The following ADAM10 variants were observed in gnomAD, a reference collection of about 807,000 sequenced individuals.
The protein encoded by ADAM10 is disintegrin and metalloproteinase domain-containing protein 10.
A neutral mutation model predicts 90.1 loss-of-function variants in ADAM10; 17 were observed. That is an observed-to-expected ratio of 0.19 (90% confidence interval 0.13 to 0.28). ADAM10 has a LOEUF of 0.28. ADAM10 is among the 10% of genes least tolerant of loss of function. ADAM10 has a pLI of 1.00. For missense variants in ADAM10, 610 were observed against 914.3 expected (o/e 0.67, Z 4.29); for synonymous variants, 310 against 298.6 (o/e 1.04, Z -0.40).
chr15:58,646,339 G>A, intron 5 of ADAM10, 135 bp from the exon 6 acceptor site: 1 of 908,852 alleles, frequency 1.1e-6, no homozygotes, highest in South Asian at 1.5e-5. Flanking sequence ...GCCATTAAAA[G>A]TTCATAAAAT....
intron 12 of ADAM10, 63 bp downstream of exon 12, chr15:58,611,745 A>G: frequency 1.3e-6 from 2 of 1,500,022 alleles, no homozygotes; most frequent in Non-Finnish European, 1.8e-6. Context: ...TTAAGCATCA[A>G]TAATTCTTCT....
chr15:58,748,980 T>C (rs190903870), intron 1 of ADAM10: 2 of 397,820 alleles, frequency 5.0e-6, no homozygotes, highest in African/African-American at 2.1e-5. Flanking sequence ...TTCCCACGAG[T>C]CTGCGCGGCG....
In ADAM10 at chr15:58,597,365, T is replaced by G. The variant is rs201547564; in HGVS notation, c.*182A>C. 2.6e-6 allele frequency: 4 copies of G among 1,542,042 alleles called. No individual in the cohort carries two copies. The South Asian group carries it at 4.8e-5, about 19-fold the overall frequency. On this transcript the variant is annotated 3_prime_UTR_variant, in exon 16 of 16. Transcript: ENST00000260408. Reference sequence around the variant, plus strand: ...CCTTTTCCACCTCCCACCCCCAAATTGGAATTTTCAGGCTTTAAAATTTAA... The same window carrying G: ...CCTTTTCCACCTCCCACCCCCAAATGGGAATTTTCAGGCTTTAAAATTTAA...
In ADAM10 at chr15:58,590,776, T is replaced by C. The variant is rs1204175387; in HGVS notation, c.*6771A>G. 1 of 152,204 alleles carries C rather than the reference T, an allele frequency of 6.6e-6. No individual in the cohort carries two copies. Among genetic ancestry groups the C allele is most frequent in the African/African-American group, 2.4e-5 (1 of 41,452 alleles). 9.4% of individuals were successfully genotyped at this position (152,204 alleles called of 1,614,324 possible). A position where few individuals can be genotyped will look rare whatever the true frequency, so the allele number is the denominator to read the frequency against. On this transcript the variant is annotated 3_prime_UTR_variant, in exon 16 of 16. Coordinates refer to ENST00000260408, the MANE Select transcript of ADAM10 (RefSeq NM_001110.4). ...TAAAATATTCATTTAAAATAAAGAA[T>C]AAAATTGCTTAATGTGTTCAGTATA...
intron 1 of ADAM10, among the ~76,000 whole-genome samples, chr15:58,720,435 C>A (rs1370682324): frequency 3.3e-5 from 5 of 150,386 alleles, no homozygotes; most frequent in Non-Finnish European, 5.9e-5. Context: ...GAGTCTCGCT[C>A]TGTCACCCAG....
At chr15:58,614,654 G>A (rs1391603070) in intron 11 of ADAM10, among the ~76,000 whole-genome samples, 1 of 152,070 alleles carries the variant, frequency 6.6e-6, no homozygotes, top group African/African-American at 2.4e-5. Context: ...CTAACCTTCA[G>A]AAATGAGGGA....
At position 58,589,809 on chromosome 15, in the gene ADAM10, A is replaced by G. The variant is rs1438785870; in HGVS notation, c.*7738T>C. ...TAGGTGTCTTAATCCTAAATTTATG[A>G]TAGTCATGATACAGACGCCCAGGTC... On this transcript the variant is annotated 3_prime_UTR_variant, in exon 16 of 16. Transcript: ENST00000260408. The G allele has an allele frequency of 6.6e-6, 1 of 152,188 alleles. No homozygotes were observed. Among genetic ancestry groups the G allele is most frequent in the Non-Finnish European group, 1.5e-5 (1 of 68,054 alleles). The allele number at this position is 152,188 out of a possible 1,614,324, so 9.4% of individuals were successfully genotyped here.
At chr15:58,638,255 T>C (rs996475852) in intron 8 of ADAM10, among the ~76,000 whole-genome samples, 11 of 151,670 alleles carry the variant, frequency 7.3e-5, no homozygotes, top group African/African-American at 1.7e-4. Flanking sequence ...GGGGGGAAAA[T>C]GGGGATACAA....
intron 1 of ADAM10, among the ~76,000 whole-genome samples, chr15:58,746,145 T>C (rs1899785172): frequency 6.6e-6 from 1 of 152,186 alleles, no homozygotes; most frequent in Admixed American, 6.5e-5. Context: ...CACCACTAAG[T>C]GGTGGATGAT....
chr15:58,663,857 G>A (rs1410961784), intron 5 of ADAM10, among the ~76,000 whole-genome samples: 3 of 151,610 alleles, frequency 2.0e-5, no homozygotes, highest in Non-Finnish European at 2.9e-5. Flanking sequence ...TAGTCTACTC[G>A]TGGTATAAAT....
chr15:58,717,861 A>ATTAATATATGTG, intron 1 of ADAM10, 134 bp from the exon 2 acceptor site: 1 of 1,303,382 alleles, frequency 7.7e-7, no homozygotes, highest in Non-Finnish European at 1.0e-6. Context: ...TGAATTCTGC[A>ATTAATATATGTG]TTAATATTAA....
intron 2 of ADAM10, chr15:58,698,341 G>A (rs1415201090): frequency 2.3e-6 from 1 of 435,014 alleles, no homozygotes; most frequent in Non-Finnish European, 4.6e-6. Flanking sequence ...GGAGGCTGAG[G>A]CAGGTGGATC....
chr15:58,749,058 G>A, intron 1 of ADAM10: 1 of 398,972 alleles, frequency 2.5e-6, no homozygotes. Context: ...ATGGTGAGCA[G>A]GATGAGCGCT....
chr15:58,611,304 A>G (rs1328408970), intron 12 of ADAM10, 197 bp from the exon 13 acceptor site: 5 of 568,140 alleles, frequency 8.8e-6, no homozygotes, highest in Non-Finnish European at 1.2e-5. Flanking sequence ...TAAATCCAAG[A>G]AAGATAGTAA....
intron 14 of ADAM10, among the ~76,000 whole-genome samples, chr15:58,602,089 GTTC>G (rs1257128833): frequency 6.6e-6 from 1 of 152,102 alleles, no homozygotes; most frequent in Non-Finnish European, 1.5e-5. Context: ...TAAATATCCT[GTTC>G]TTCATCAAAC....
At chr15:58,639,347 T>A (rs1249899009) in intron 8 of ADAM10, among the ~76,000 whole-genome samples, 1 of 152,218 alleles carries the variant, frequency 6.6e-6, no homozygotes, top group Non-Finnish European at 1.5e-5. Flanking sequence ...GAGAACCACT[T>A]GTTTGAGACT....
chr15:58,619,107 C>T (rs546765760), intron 11 of ADAM10, among the ~76,000 whole-genome samples: 2 of 151,974 alleles, frequency 1.3e-5, no homozygotes, highest in South Asian at 4.2e-4. Flanking sequence ...AAGTGTCCAC[C>T]AAGAGACAAA....
chr15:58,676,089 G>A, intron 4 of ADAM10: 1 of 288,090 alleles, frequency 3.5e-6, no homozygotes, highest in South Asian at 3.2e-5. Context: ...ATTAAGGAGA[G>A]AGTTTGGCTT....
At chr15:58,608,437 C>T (rs933899439) in intron 14 of ADAM10, among the ~76,000 whole-genome samples, 12 of 152,150 alleles carry the variant, frequency 7.9e-5, no homozygotes, top group Non-Finnish European at 2.9e-5. Context: ...CTTGTAAAGA[C>T]CAGATGTTTA....
Sources: allele counts gnomAD v4.1 joint callset (sites outside exome capture counted in the v4.1 genomes callset), GRCh38; gene constraint gnomAD v4.1.1; transcripts MANE v1.5; gene names NCBI Gene and HGNC (gene_info 2026-07-23, HGNC 2026-07-21).